CERT1: variants seen among roughly 807,000 people sequenced by gnomAD.
CERT1 encodes the protein ceramide transporter 1, also known as ceramide transfer protein.
A neutral mutation model predicts 87.9 loss-of-function variants in CERT1; 31 were observed. That is an observed-to-expected ratio of 0.35 (90% CI 0.27 to 0.48). CERT1 has a LOEUF of 0.48. Ranked by LOEUF, CERT1 falls within the 20% of genes least tolerant of loss-of-function variation. The probability of loss-of-function intolerance (pLI) is 0.99; values close to 1 mark genes in which losing one functional copy is unlikely to be tolerated. For synonymous variants in CERT1, 289 were observed against 250.9 expected, an observed-to-expected ratio of 1.15 and a Z score of -1.44; for missense variants, 487 against 758.0, an observed-to-expected ratio of 0.64 and a Z score of 4.20.
chr5:75,396,827 T>C (rs759212411), intron 11 of CERT1, among the ~76,000 whole-genome samples: 1 of 152,196 alleles, frequency 6.6e-6, no homozygotes, highest in African/African-American at 2.4e-5. Context: ...CCTCTTATTT[T>C]GCTTAATACA....
At chr5:75,400,813 C>G (rs17648288) in intron 9 of CERT1, 13,131 of 152,330 alleles carry the variant, frequency 0.086, 617 homozygotes, top group South Asian at 0.12. Flanking sequence ...CATCATCTTA[C>G]TCCTGTTAAG....
chr5:75,489,077 T>C (rs1255191112), intron 2 of CERT1, among the ~76,000 whole-genome samples: 1 of 152,092 alleles, frequency 6.6e-6, no homozygotes, highest in Non-Finnish European at 1.5e-5. Context: ...AATAGAGGCC[T>C]CAGAAATAAC....
intron 8 of CERT1, among the ~76,000 whole-genome samples, chr5:75,405,886 G>T (rs1762689530): frequency 1.2e-5 from 1 of 86,174 alleles, no homozygotes; most frequent in Non-Finnish European, 2.3e-5. Flanking sequence ...GGGGGGGGGG[G>T]TCTTGTAATG....
intron 2 of CERT1, among the ~76,000 whole-genome samples, chr5:75,462,155 G>A (rs1765258716): frequency 6.6e-6 from 1 of 152,140 alleles, no homozygotes; most frequent in Non-Finnish European, 1.5e-5. Context: ...GTGCTGAGAA[G>A]TAATTATTAG....
At chr5:75,380,777 C>CAAAAAAA (rs35083616) in intron 16 of CERT1, among the ~76,000 whole-genome samples, 4 of 53,364 alleles carry the variant, frequency 7.5e-5, no homozygotes, top group African/African-American at 7.6e-5. Context: ...GACTCCATCT[C>CAAAAAAA]AAAAAAAAAA....
At chr5:75,446,969 C>T (rs1303299972) in intron 3 of CERT1, among the ~76,000 whole-genome samples, 1 of 152,196 alleles carries the variant, frequency 6.6e-6, no homozygotes, top group African/African-American at 2.4e-5. Context: ...TCTTTTTCTG[C>T]ACCTCTGTGA....
chr5:75,410,797 C>G, intron 8 of CERT1: 1 of 327,816 alleles, frequency 3.1e-6, no homozygotes. Flanking sequence ...TAATACTAAG[C>G]CTTTTGAAGC....
intron 5 of CERT1, 77 bp downstream of exon 5, chr5:75,425,284 G>C: frequency 7.1e-7 from 1 of 1,404,732 alleles, no homozygotes. Context: ...ATCACTTAAA[G>C]ACATTACCCT....
chr5:75,469,642 A>G (rs1428310130), intron 2 of CERT1, among the ~76,000 whole-genome samples: 2 of 152,168 alleles, frequency 1.3e-5, no homozygotes, highest in Admixed American at 6.6e-5. Flanking sequence ...CAAATGTACT[A>G]TTAGAGATAA....
At chr5:75,502,136 CA>C (rs933127673) in intron 2 of CERT1, among the ~76,000 whole-genome samples, 9 of 146,900 alleles carry the variant, frequency 6.1e-5, no homozygotes, top group East Asian at 2.0e-4. Flanking sequence ...AAAGAAAAAC[CA>C]AAAAAAAAGT....
intron 7 of CERT1, among the ~76,000 whole-genome samples, chr5:75,415,743 G>A (rs1210758385): frequency 2.6e-5 from 4 of 151,956 alleles, no homozygotes; most frequent in Admixed American, 2.6e-4. Flanking sequence ...TATTTAGGGA[G>A]TTGTCCTGTT....
In CERT1 at chr5:75,445,810, T is replaced by A. The variant is rs930766020; in HGVS notation, c.348+13255A>T. On this transcript the variant is annotated intron_variant, in intron 3 of 16. Coordinates refer to ENST00000643780, the MANE Select transcript of CERT1 (RefSeq NM_001379029.1). ...ATGCCTGGCTCCACAAATATAGGCATCTTGGTTGACAGTTCTTTCCTTTTA... is the reference window on the plus strand; with the variant it reads ...ATGCCTGGCTCCACAAATATAGGCAACTTGGTTGACAGTTCTTTCCTTTTA... 2.0e-5 allele frequency among the ~76,000 whole-genome samples: 3 copies of A among 152,296 alleles called. No homozygotes were observed. The East Asian group carries it at 5.8e-4, about 29-fold the overall frequency.
At position 75,425,632 on chromosome 5, in the gene CERT1, T is replaced by C. The variant is rs368879081; in HGVS notation, c.457-133A>G. 13 of 732,400 alleles carry C rather than the reference T, an allele frequency of 1.8e-5. No homozygotes were observed. The East Asian group carries it at 2.5e-4, about 14-fold the overall frequency. 45.4% of individuals were successfully genotyped at this position (732,400 alleles called of 1,614,324 possible). On this transcript the variant is annotated intron_variant, in intron 4 of 16. Coordinates refer to ENST00000643780, the MANE Select transcript of CERT1 (RefSeq NM_001379029.1). ...GCATGGGATAAGGAGAGCTGTCTAG[T>C]TCAATATAATACTTCTAGGAATAGG...
At chr5:75,487,972 A>G (rs970328361) in intron 2 of CERT1, among the ~76,000 whole-genome samples, 24 of 152,086 alleles carry the variant, frequency 1.6e-4, no homozygotes, top group Non-Finnish European at 2.2e-4. Context: ...CAAACTTTGC[A>G]TGTTCTTACT....
chr5:75,505,518 T>C (rs1412027961), intron 2 of CERT1: 2 of 152,272 alleles, frequency 1.3e-5, no homozygotes, highest in East Asian at 3.9e-4. Context: ...AAACTGTAAA[T>C]AGCAAATCAT....
At chr5:75,402,771 G>C in intron 9 of CERT1, 1 of 372,504 alleles carries the variant, frequency 2.7e-6, no homozygotes. Flanking sequence ...CTGCATTCTA[G>C]CCTGGGCAAC....
At chr5:75,388,388 C>G (rs1486808227) in intron 12 of CERT1, among the ~76,000 whole-genome samples, 2 of 151,758 alleles carry the variant, frequency 1.3e-5, no homozygotes, top group Non-Finnish European at 2.9e-5. Flanking sequence ...CAAGTTTTTG[C>G]TCACATTATA....
chr5:75,427,517 T>C (rs1763670905), intron 3 of CERT1, among the ~76,000 whole-genome samples: 1 of 152,190 alleles, frequency 6.6e-6, no homozygotes, highest in Non-Finnish European at 1.5e-5. Context: ...GAGAATCGCC[T>C]GAACCTGGGA....
intron 2 of CERT1, 127 bp from the exon 3 acceptor site, chr5:75,459,308 G>A (rs2112311557): frequency 1.7e-6 from 1 of 604,166 alleles, no homozygotes; most frequent in Non-Finnish European, 3.0e-6. Flanking sequence ...TTATTTTTCT[G>A]CTCAAATAAC....
Sources: allele counts gnomAD v4.1 joint callset (sites outside exome capture counted in the v4.1 genomes callset), GRCh38; gene constraint gnomAD v4.1.1; transcripts MANE v1.5; gene names NCBI Gene and HGNC (gene_info 2026-07-23, HGNC 2026-07-21).